CCNB3: variants seen among roughly 807,000 people sequenced by gnomAD.
CCNB3 encodes the protein G2/mitotic-specific cyclin-B3.
In CCNB3, 12 loss-of-function variants were observed where a neutral mutation model predicts 68.0. The ratio of observed to expected loss-of-function variants is 0.18; its 90% CI spans 0.11 to 0.29. CCNB3 has a LOEUF of 0.29. Among genes scored for constraint, CCNB3 ranks in the 10% least tolerant of loss-of-function variants. CCNB3 has a pLI of 1.00. For missense variants in CCNB3, 904 were observed against 993.1 expected (o/e 0.91, Z 1.21); for synonymous variants, 354 against 388.9 (o/e 0.91, Z 1.06).
chrX:50,225,052 T>A (rs1460125422), intron 1 of CCNB3, among the ~76,000 whole-genome samples: 6 of 111,668 alleles, frequency 5.4e-5, no homozygotes, highest in Non-Finnish European at 1.1e-4. Flanking sequence ...GTCCTACGTT[T>A]TATGAACCTT....
At chrX:50,208,978 C>T (rs1448444953) in intron 1 of CCNB3, among the ~76,000 whole-genome samples, 2 of 111,611 alleles carry the variant, frequency 1.8e-5, no homozygotes. Context: ...TTTGTGCTTT[C>T]CAAGGAATTC....
chrX:50,348,324 T>C (rs1557220679), intron 11 of CCNB3, among the ~76,000 whole-genome samples: 1 of 112,231 alleles, frequency 8.9e-6, no homozygotes, highest in Non-Finnish European at 1.9e-5. Context: ...TTCTCAATTT[T>C]ATGAAAAGTT....
At chrX:50,325,476 G>T (rs781973575) in intron 8 of CCNB3, among the ~76,000 whole-genome samples, 16 of 112,316 alleles carry the variant, frequency 1.4e-4, no homozygotes, top group Non-Finnish European at 2.8e-4. Context: ...AACTTGCTTA[G>T]TTCTGATTGG....
chrX:50,337,110 G>A (rs953655167), intron 8 of CCNB3, among the ~76,000 whole-genome samples: 1 of 110,561 alleles, frequency 9.0e-6, no homozygotes, highest in Non-Finnish European at 1.9e-5. Flanking sequence ...GTTCTCTCAC[G>A]GGCATTTGGA....
At chrX:50,330,999 T>C (rs139804659) in intron 8 of CCNB3, among the ~76,000 whole-genome samples, 2,934 of 111,910 alleles carry the variant, frequency 0.026, 93 homozygotes, top group African/African-American at 0.091. Context: ...CTATATGATT[T>C]GGTTGAACAT....
chrX:50,316,758 A>T (rs782554500), intron 8 of CCNB3, among the ~76,000 whole-genome samples: 2 of 112,393 alleles, frequency 1.8e-5, no homozygotes, highest in East Asian at 5.6e-4. Context: ...TTTAAGATTT[A>T]TTCAAGTTGT....
At chrX:50,351,178 G>A in intron 11 of CCNB3, 63 bp from the exon 12 acceptor site, 1 of 1,170,365 alleles carries the variant, frequency 8.5e-7, no homozygotes, top group South Asian at 1.9e-5. Context: ...ACTTGGGATA[G>A]CAGAGATGGA....
chrX:50,300,484 A>G (rs1167032152), intron 5 of CCNB3, among the ~76,000 whole-genome samples: 3 of 111,673 alleles, frequency 2.7e-5, no homozygotes, highest in Non-Finnish European at 5.6e-5. Flanking sequence ...CGGCTTGTAG[A>G]GTTTCTGCCG....
chrX:50,280,094 T>G (rs1383310359), intron 1 of CCNB3, among the ~76,000 whole-genome samples: 1 of 80,150 alleles, frequency 1.2e-5, no homozygotes, highest in African/African-American at 4.8e-5. Context: ...GGAATACATA[T>G]AAATATATAT....
At chrX:50,227,227 T>G (rs1475871096) in intron 1 of CCNB3, among the ~76,000 whole-genome samples, 5 of 80,025 alleles carry the variant, frequency 6.2e-5, no homozygotes, top group Non-Finnish European at 1.1e-4. Context: ...ACAGAATATA[T>G]ATATAAATAT....
intron 1 of CCNB3, among the ~76,000 whole-genome samples, chrX:50,223,226 G>A (rs1935701058): frequency 9.0e-6 from 1 of 110,802 alleles, no homozygotes; most frequent in South Asian, 3.8e-4. Context: ...TTAGCTCGGA[G>A]GAGTTTGTTA....
In CCNB3 at chrX:50,291,936, A is replaced by G. The variant is rs538893509; in HGVS notation, c.205-2927A>G. ...ACTTTTTTTTCTACATTTAACTTGGAAATAACTTCAAATTTATGAAGTGTT... is the reference window on the plus strand; with the variant it reads ...ACTTTTTTTTCTACATTTAACTTGGGAATAACTTCAAATTTATGAAGTGTT... On this transcript the variant is annotated intron_variant, in intron 4 of 12. Coordinates refer to ENST00000376042, the MANE Select transcript of CCNB3 (RefSeq NM_033031.3). Among the ~76,000 whole-genome samples the G allele has an allele frequency of 2.7e-5, 3 of 111,432 alleles. No homozygotes were observed. The South Asian group carries it at 1.1e-3, about 42-fold the overall frequency.
intron 8 of CCNB3, among the ~76,000 whole-genome samples, chrX:50,331,225 T>C (rs1335172101): frequency 9.0e-6 from 1 of 111,538 alleles, no homozygotes; most frequent in East Asian, 2.8e-4. Flanking sequence ...ATAACACAAC[T>C]ACCTGCCCAC....
Position 50,351,338 on chromosome X carries a change from G to A in CCNB3, c.4058G>A (p.Ser1353Asn), listed in dbSNP as rs1478168973. ...CTGCTGACTTTCAGTTCTTACGATA[G>A]TCTCAAGGCTGTGTATTACAAGTAT... ...NKLLTFSSYDSLKAVYYKYSH... is the reference protein window; with the variant it reads ...NKLLTFSSYDNLKAVYYKYSH... The change falls in exon 12 of 13, where the codon AGT (serine) becomes AAT (asparagine). Residue 1353 changes from serine (S) to asparagine (N), a missense_variant. Transcript: ENST00000376042. 2 of 1,211,317 alleles carry A rather than the reference G, an allele frequency of 1.7e-6. No individual in the cohort carries two copies. The highest frequency in any genetic ancestry group is 2.2e-6 in the Non-Finnish European group (2 of 895,237).
At chrX:50,308,392 G>T (rs1471861791) in intron 5 of CCNB3, 113 bp from the exon 6 acceptor site, 1 of 503,491 alleles carries the variant, frequency 2.0e-6, no homozygotes, top group Non-Finnish European at 3.3e-6. Context: ...TGTCTTATGG[G>T]GTTGAAGCCC....
Position 50,310,925 on chromosome X carries a change from C to T in CCNB3, c.2756C>T (p.Ser919Phe). Residue 919 changes from serine to phenylalanine, a missense_variant, in exon 6 of 13, where the codon TCT becomes TTT. Ser to Phe is a radical substitution (Grantham distance 155, BLOSUM62 -2). This residue lies in a region of CCNB3 where 285 missense variants were observed against 383.4 expected (regional missense o/e 0.74). Coordinates refer to ENST00000376042, the MANE Select transcript of CCNB3 (RefSeq NM_033031.3). ...LLKKPLALKM[S>F]TINEAVLFED... ...AAAAAGCCATTAGCCTTGAAGATGT[C>T]TACCATCAATGAGGCAGTCCTCTTC... 8.3e-7 allele frequency: 1 copy of T among 1,212,034 alleles called. No individual in the cohort carries two copies. Among genetic ancestry groups the T allele is most frequent in the Non-Finnish European group, 1.1e-6 (1 of 895,503 alleles).
In CCNB3 at chrX:50,310,612, G is replaced by A. The variant is rs1557214633; in HGVS notation, c.2443G>A (p.Val815Ile). 2 of 1,210,967 alleles carry A rather than the reference G, an allele frequency of 1.7e-6. No individual in the cohort carries two copies. The highest frequency in any genetic ancestry group is 4.4e-5 in the Admixed American group (2 of 45,941). Residue 815 changes from valine to isoleucine, a missense_variant, in exon 6 of 13, where the codon GTC becomes ATC. Physicochemically the swap from Val to Ile is conservative, Grantham distance 29 (BLOSUM62 3). This residue lies in a region of CCNB3 where 619 missense variants were observed against 609.8 expected (regional missense o/e 1.02). Coordinates refer to ENST00000376042, the MANE Select transcript of CCNB3 (RefSeq NM_033031.3). ...GGAGCCCAGCATTGAGAAGGAAGCTGTCCTCAAGGAGCCCACTATTGACAC... is the reference window on the plus strand; with the variant it reads ...GGAGCCCAGCATTGAGAAGGAAGCTATCCTCAAGGAGCCCACTATTGACAC... ...QEEPSIEKEA[V>I]LKEPTIDTEA...
chrX:50,308,800 A>G lies in CCNB3; in HGVS notation c.631A>G (p.Met211Val). 8.3e-7 allele frequency: 1 copy of G among 1,211,832 alleles called. No homozygotes were observed. The highest frequency in any genetic ancestry group is 1.8e-5 in the South Asian group (1 of 56,953). ...TGATGATGCGTTTGTTATAGAGCCAATGACTTTTAAGAAGACACATAAAAC... is the reference window on the plus strand; with the variant it reads ...TGATGATGCGTTTGTTATAGAGCCAGTGACTTTTAAGAAGACACATAAAAC... ...DSDDAFVIEP[M>V]TFKKTHKTEE... Residue 211 changes from methionine (M) to valine (V), a missense_variant, in exon 6 of 13, where the codon ATG becomes GTG. Met to Val is a conservative substitution (Grantham distance 21). Around this residue, in one of 2 missense-constraint regions of CCNB3, gnomAD observed 619 missense variants for 609.8 expected, o/e 1.02. Coordinates refer to ENST00000376042, the MANE Select transcript of CCNB3 (RefSeq NM_033031.3).
intron 11 of CCNB3, among the ~76,000 whole-genome samples, chrX:50,350,820 C>T (rs782072287): frequency 2.8e-5 from 3 of 109,054 alleles, no homozygotes; most frequent in South Asian, 8.2e-4. Flanking sequence ...CTCAGCCTCC[C>T]GAGTAGCTGG....
Sources: gnomAD v4.1 joint callset for allele counts (sites outside exome capture counted in the v4.1 genomes callset) on GRCh38, gnomAD v4.1.1 for gene constraint, gnomAD v4.1.1 regional missense constraint, MANE v1.5 for transcripts, NCBI Gene and HGNC (gene_info 2026-07-23, HGNC 2026-07-21) for gene names.